Variants in RHOU observed in about 807,000 individuals in gnomAD.
The protein encoded by RHOU is ras homolog family member U.
Under a neutral mutation model 12.6 loss-of-function variants are expected in RHOU, and 8 were observed. The observed-to-expected ratio is 0.64, with a 90% CI of 0.37 to 1.15. RHOU has a LOEUF of 1.15. Ranked by LOEUF, RHOU falls within the 50% of genes most tolerant of loss-of-function variation. RHOU has a pLI of 0.01. For missense variants in RHOU, 258 were observed against 347.0 expected, an observed-to-expected ratio of 0.74 and a Z score of 2.04; for synonymous variants, 161 against 147.4, an observed-to-expected ratio of 1.09 and a Z score of -0.67.
At chr1:228,695,160 G>T in the RHOU span, among the ~76,000 whole-genome samples, 3 of 152,040 alleles carry the variant, frequency 2.0e-5, no homozygotes, top group Admixed American at 6.6e-5. Flanking sequence ...GGTAGAGATG[G>T]GGTTTTGGTA....
At position 228,735,860 on chromosome 1, in the gene RHOU, G is replaced by A; in HGVS notation, c.118G>A (p.Gly40Arg). 7.1e-7 allele frequency: 1 copy of A among 1,414,584 alleles called. No homozygotes were observed. The highest frequency in any genetic ancestry group is 9.2e-7 in the Non-Finnish European group (1 of 1,086,330). The allele number at this position is 1,414,584 out of a possible 1,614,324, so 87.6% of individuals were successfully genotyped here. A position where few individuals can be genotyped will look rare whatever the true frequency, so the allele number is the denominator to read the frequency against. ...GRGPGEPGGRGRAGGAEGRGV... is the reference protein window; with the variant it reads ...GRGPGEPGGRRRAGGAEGRGV... ...CGGGCCTGGGGAGCCGGGGGGCCGG[G>A]GGCGTGCGGGGGGTGCCGAGGGGCG... The change falls in exon 1 of 3, where the codon GGG (glycine) becomes AGG (arginine). Residue 40 changes from glycine (G) to arginine (R), a missense_variant. Coordinates refer to ENST00000366691, the MANE Select transcript of RHOU (RefSeq NM_021205.6). This position sits in a 1 kb window ranked among gnomAD's most constrained non-coding sequence, Gnocchi z 8.1.
At chr1:228,730,774 G>C (rs1406685496), upstream of RHOU, among the ~76,000 whole-genome samples, 1 of 152,168 alleles carries the variant, frequency 6.6e-6, no homozygotes, top group Non-Finnish European at 1.5e-5. Flanking sequence ...TGAACACACA[G>C]AGTTATATGA....
At chr1:228,678,707 C>G in the RHOU span, among the ~76,000 whole-genome samples, 1 of 151,744 alleles carries the variant, frequency 6.6e-6, no homozygotes, top group South Asian at 2.1e-4. Context: ...AGTGAGGGCT[C>G]GAGTTAAGGC....
upstream of RHOU, among the ~76,000 whole-genome samples, chr1:228,734,415 G>A (rs1662550925): frequency 2.6e-5 from 4 of 152,244 alleles, no homozygotes; most frequent in South Asian, 8.3e-4. Flanking sequence ...AGGCTCTGGG[G>A]CTAGACTATT....
the RHOU span, among the ~76,000 whole-genome samples, chr1:228,657,766 A>G: frequency 2.5e-4 from 38 of 152,222 alleles, no homozygotes; most frequent in Non-Finnish European, 3.4e-4. Flanking sequence ...AGTATAGACC[A>G]TATGTCAGGC....
At chr1:228,659,972 A>AC in the RHOU span, among the ~76,000 whole-genome samples, 3 of 106,168 alleles carry the variant, frequency 2.8e-5, no homozygotes, top group Admixed American at 9.3e-5. Flanking sequence ...AAAACAAAAA[A>AC]AAAAAAAAAC....
chr1:228,699,459 A>G, the RHOU span, among the ~76,000 whole-genome samples: 9 of 141,696 alleles, frequency 6.4e-5, no homozygotes, highest in East Asian at 1.7e-3. Context: ...AAAAAAAAAA[A>G]AAAAAAAAAA....
chr1:228,701,582 AC>A, the RHOU span, among the ~76,000 whole-genome samples: 1 of 152,110 alleles, frequency 6.6e-6, no homozygotes, highest in African/African-American at 2.4e-5. Flanking sequence ...TTTTAATAAA[AC>A]CTTATAAACA....
the RHOU span, among the ~76,000 whole-genome samples, chr1:228,707,340 G>A: frequency 6.9e-6 from 1 of 144,018 alleles, no homozygotes. Context: ...CAAGATGGCC[G>A]AATAGGAACA....
the RHOU span, chr1:228,650,991 A>G: frequency 1.5e-5 from 5 of 329,460 alleles, no homozygotes; most frequent in Middle Eastern, 2.1e-3. Context: ...AGAGAAAAGA[A>G]AGGCAAGGTC....
the RHOU span, among the ~76,000 whole-genome samples, chr1:228,724,049 C>G: frequency 6.6e-6 from 1 of 151,928 alleles, no homozygotes; most frequent in Admixed American, 6.6e-5. Context: ...TGTTTTTTTT[C>G]GTCTCTGTGA....
At chr1:228,691,142 T>C in the RHOU span, among the ~76,000 whole-genome samples, 11 of 152,186 alleles carry the variant, frequency 7.2e-5, no homozygotes, top group South Asian at 2.3e-3. Context: ...TCCCAGAAAA[T>C]TGAACAGAAA....
chr1:228,726,187 TC>T, the RHOU span, among the ~76,000 whole-genome samples: 1 of 152,178 alleles, frequency 6.6e-6, no homozygotes, highest in Admixed American at 6.5e-5. Context: ...TCACTGCCGG[TC>T]CGTACGTACT....
At chr1:228,668,523 G>A in the RHOU span, among the ~76,000 whole-genome samples, 3 of 152,144 alleles carry the variant, frequency 2.0e-5, no homozygotes, top group Admixed American at 6.5e-5. Flanking sequence ...AGCTGGTGTC[G>A]GAGAAATGGT....
chr1:228,741,380 T>C (rs1662718041), intron 2 of RHOU, among the ~76,000 whole-genome samples: 1 of 152,194 alleles, frequency 6.6e-6, no homozygotes, highest in African/African-American at 2.4e-5. Context: ...TCAAGAGATC[T>C]GGGGAGATAG....
At chr1:228,703,397 G>A in the RHOU span, among the ~76,000 whole-genome samples, 5 of 151,910 alleles carry the variant, frequency 3.3e-5, no homozygotes, top group African/African-American at 9.7e-5. Flanking sequence ...GTGGTGGTGG[G>A]CACCTGTAGT....
At chr1:228,717,911 T>C in the RHOU span, among the ~76,000 whole-genome samples, 1 of 152,204 alleles carries the variant, frequency 6.6e-6, no homozygotes, top group Non-Finnish European at 1.5e-5. Flanking sequence ...TTCCATGCCC[T>C]CCATTAACAC....
At chr1:228,707,772 C>T in the RHOU span, among the ~76,000 whole-genome samples, 1 of 152,200 alleles carries the variant, frequency 6.6e-6, no homozygotes, top group Admixed American at 6.5e-5. Context: ...CAAAGGAATG[C>T]AGTTCCTCAC....
intron 2 of RHOU, among the ~76,000 whole-genome samples, chr1:228,739,088 T>C (rs1662670155): frequency 2.6e-5 from 4 of 151,950 alleles, no homozygotes. Flanking sequence ...GCCACTGCAC[T>C]CCAGCCTGGG....
Sources: gnomAD v4.1 joint callset for allele counts (sites outside exome capture counted in the v4.1 genomes callset) on GRCh38, gnomAD v4.1.1 for gene constraint, Gnocchi (gnomAD v3.1) non-coding constraint, MANE v1.5 for transcripts, NCBI Gene and HGNC (gene_info 2026-07-23, HGNC 2026-07-21) for gene names.